Variants in SPTB observed in about 807,000 individuals in gnomAD.
SPTB encodes spectrin beta chain, erythrocytic.
A neutral mutation model predicts 256.2 loss-of-function variants in SPTB; 45 were observed. That is an observed-to-expected ratio of 0.18 (90% CI 0.14 to 0.23). SPTB has a LOEUF of 0.23. Among genes scored for constraint, SPTB ranks in the 10% least tolerant of loss-of-function variants. The pLI is 1.00. For missense variants in SPTB, 2,715 were observed against 3,040.4 expected, an observed-to-expected ratio of 0.89 and a Z score of 2.52; for synonymous variants, 1,231 against 1,243.1, an observed-to-expected ratio of 0.99 and a Z score of 0.21.
At position 64,779,966 on chromosome 14, in the gene SPTB, T is replaced by G; in HGVS notation, c.4267-35A>C. On this transcript the variant is annotated intron_variant, in intron 20 of 35. Coordinates refer to ENST00000644917, the MANE Select transcript of SPTB (RefSeq NM_001355436.2). The surrounding 1 kb of genome is among the most constrained non-coding windows in gnomAD (Gnocchi z 4.2). ...AAGGGGACGGTGTCAGCACCAGCCT[T>G]GGCACCTGCACAGCCCCTCCATCTT... The G allele has an allele frequency of 6.3e-7, 1 of 1,574,804 alleles. No homozygotes were observed. The highest frequency in any genetic ancestry group is 8.7e-7 in the Non-Finnish European group (1 of 1,144,774).
In SPTB at chr14:64,766,728, G is replaced by C; in HGVS notation, c.6343C>G (p.Pro2115Ala). ...GACAAACGAGACCAGAGACTGACCG[G>C]GGACGTTCTCTCGGTGGCCGCATGG... ...SHHAATERTS[P>A]GEEEGTWPQN... The change falls in exon 32 of 36, where the codon CCG (proline) becomes GCG (alanine). Residue 2115 changes from proline to alanine, a missense_variant and splice_region_variant. This residue lies in a region of SPTB where 2,239 missense variants were observed against 2,384.4 expected (regional missense o/e 0.94). Coordinates refer to ENST00000644917, the MANE Select transcript of SPTB (RefSeq NM_001355436.2). The C allele has an allele frequency of 6.2e-7, 1 of 1,613,596 alleles. No homozygotes were observed. The highest frequency in any genetic ancestry group is 1.1e-5 in the South Asian group (1 of 91,080).
chr14:64,829,475 G>C (rs145690359), intron 1 of SPTB, among the ~76,000 whole-genome samples: 1 of 152,280 alleles, frequency 6.6e-6, no homozygotes, highest in East Asian at 1.9e-4. Flanking sequence ...ACTCAATATT[G>C]ATTGGTACCT....
In SPTB at chr14:64,866,169, T is replaced by C. The variant is rs1401719915; in HGVS notation, c.-52+13623A>G. 6.6e-6 allele frequency among the ~76,000 whole-genome samples: 1 copy of C among 152,234 alleles called. No individual in the cohort carries two copies. Among genetic ancestry groups the C allele is most frequent in the Admixed American group, 6.5e-5 (1 of 15,290 alleles). ...GTCAGCCTACTGGTGACCTTCACTA[T>C]GGCACCTAGTAATCCTCGAGATGGG... On this transcript the variant is annotated intron_variant, in intron 1 of 35. Transcript: ENST00000644917. The surrounding 1 kb of genome is among the most constrained non-coding windows in gnomAD (Gnocchi z 4.6).
At chr14:64,818,245 G>A (rs1020851556) in intron 2 of SPTB, among the ~76,000 whole-genome samples, 3 of 152,214 alleles carry the variant, frequency 2.0e-5, no homozygotes, top group Admixed American at 6.5e-5. Context: ...GAGAAAGAAC[G>A]TGAAGGCCAT....
At chr14:64,804,477 C>G (rs554744592) in intron 3 of SPTB, among the ~76,000 whole-genome samples, 1 of 152,212 alleles carries the variant, frequency 6.6e-6, no homozygotes, top group Non-Finnish European at 1.5e-5. Flanking sequence ...AAAACATAAA[C>G]CTTCATCTAC....
chr14:64,831,936 A>C (rs2083458292), intron 1 of SPTB, among the ~76,000 whole-genome samples: 1 of 152,246 alleles, frequency 6.6e-6, no homozygotes, highest in African/African-American at 2.4e-5. Flanking sequence ...TGCAAATTAA[A>C]GGAAAACTCT....
chr14:64,803,504 A>G (rs11623771), intron 4 of SPTB, 103 bp downstream of exon 4: 223,305 of 1,431,584 alleles, frequency 0.16, 18,121 homozygotes, highest in South Asian at 0.18. Context: ...GCCTTCCCAG[A>G]ATGTGCACTA....
rs991472227 is a variant in SPTB, at chr14:64,806,870, G to T, written c.149-1780C>A. ...CAAGAAGAGGAAAAGTACTACTACT[G>T]ACTGTGAATCCTAAATACATGTAAA... On this transcript the variant is annotated intron_variant, in intron 2 of 35. Transcript: ENST00000644917. The surrounding 1 kb of genome is among the most constrained non-coding windows in gnomAD (Gnocchi z 4.1). Among the ~76,000 whole-genome samples the T allele has an allele frequency of 2.5e-5, 3 of 118,374 alleles. No homozygotes were observed. 77.7% of individuals were successfully genotyped at this position (118,374 alleles called of 152,430 possible).
intron 27 of SPTB, 52 bp downstream of exon 27, chr14:64,770,833 G>A: frequency 6.2e-7 from 1 of 1,613,100 alleles, no homozygotes; most frequent in Non-Finnish European, 8.5e-7. Context: ...GGTTGGCCGG[G>A]CTCCTCTGGC....
At position 64,771,000 on chromosome 14, in the gene SPTB, G is replaced by A. The variant is rs759689339; in HGVS notation, c.5683C>T (p.Arg1895Cys). The change falls in exon 27 of 36, where the codon CGC becomes TGC. Residue 1895 changes from arginine (R) to cysteine (C), a missense_variant. Transcript: ENST00000644917. ...GCCGTGTCCACTAGCTGGGTCCGGC[G>A]CCCGGCACAGGCATCGAGCAGCGCC... ...WQALLDACAG[R>C]RTQLVDTADK... 4.3e-6 allele frequency: 7 copies of A among 1,614,022 alleles called. No individual in the cohort carries two copies. The South Asian group carries it at 5.5e-5, about 13-fold the overall frequency.
Position 64,800,021 on chromosome 14 carries a change from G to A in SPTB, c.877-87C>T, listed in dbSNP as rs12434874. The A allele has an allele frequency of 2.2e-3, 3,266 of 1,503,110 alleles. 19 individuals are homozygous for A. Among genetic ancestry groups the A allele is most frequent in the East Asian group, 0.017 (773 of 44,398 alleles). 93.1% of individuals were successfully genotyped at this position (1,503,110 alleles called of 1,614,324 possible). A position where few individuals can be genotyped will look rare whatever the true frequency, so the allele number is the denominator to read the frequency against. On this transcript the variant is annotated intron_variant, in intron 8 of 35. Coordinates refer to ENST00000644917, the MANE Select transcript of SPTB (RefSeq NM_001355436.2). The stretch of plus-strand genomic sequence containing the variant: ...ATGAGGACCACAATCAAGGTGCCAC[G>A]AAATGGGGCTCCCACCTCCTAAGCC...
intron 29 of SPTB, chr14:64,768,247 C>T: frequency 3.2e-6 from 1 of 316,542 alleles, no homozygotes; most frequent in Non-Finnish European, 6.1e-6. Context: ...CCTATGTTGC[C>T]CAGGCTGGTC....
chr14:64,774,101 A>C (rs1262030869), intron 24 of SPTB, among the ~76,000 whole-genome samples: 1 of 152,218 alleles, frequency 6.6e-6, no homozygotes, highest in Non-Finnish European at 1.5e-5. Context: ...GTCCCTTAGC[A>C]TATTGTAACC....
chr14:64,868,039 G>A (rs1013242775), intron 1 of SPTB, among the ~76,000 whole-genome samples: 1 of 152,134 alleles, frequency 6.6e-6, no homozygotes, highest in Non-Finnish European at 1.5e-5. Context: ...AGAGAGGTCG[G>A]AACAGATTGT....
intron 32 of SPTB, chr14:64,754,880 A>C (rs1355399895): frequency 6.6e-6 from 1 of 152,594 alleles, no homozygotes; most frequent in East Asian, 1.9e-4. Flanking sequence ...GCGGCCTCCC[A>C]TTGCCAGGTG....
intron 1 of SPTB, among the ~76,000 whole-genome samples, chr14:64,859,718 CTCTATATA>C (rs1255250252): frequency 0.082 from 1,593 of 19,446 alleles, 13 homozygotes; most frequent in South Asian, 0.23. Context: ...CTCTCTCTCT[CTCTATATA>C]TATATATATA....
rs1258925875 is a variant in SPTB at position 64,758,727 on chromosome 14, C to T, written c.6346-4934G>A. Among the ~76,000 whole-genome samples the T allele has an allele frequency of 6.6e-6, 1 of 152,228 alleles. No individual in the cohort carries two copies. The highest frequency in any genetic ancestry group is 1.5e-5 in the Non-Finnish European group (1 of 68,042). ...CATCTGCCCAGGGAAAGTGCACAAACAGCAGAGAGCAAGCTGGAGGGATGG... is the reference window on the plus strand; with the variant it reads ...CATCTGCCCAGGGAAAGTGCACAAATAGCAGAGAGCAAGCTGGAGGGATGG... On this transcript the variant is annotated intron_variant, in intron 32 of 35. Coordinates refer to ENST00000644917, the MANE Select transcript of SPTB (RefSeq NM_001355436.2). The surrounding 1 kb of genome is among the most constrained non-coding windows in gnomAD (Gnocchi z 4.6).
chr14:64,867,762 G>A (rs551569511), intron 1 of SPTB, among the ~76,000 whole-genome samples: 2 of 151,498 alleles, frequency 1.3e-5, no homozygotes, highest in South Asian at 2.1e-4. Context: ...GCTGAGGCAG[G>A]AGAATCACTT....
chr14:64,846,614 T>A (rs774612102), intron 1 of SPTB, among the ~76,000 whole-genome samples: 2 of 152,236 alleles, frequency 1.3e-5, no homozygotes, highest in Non-Finnish European at 2.9e-5. Flanking sequence ...CAGCATACTG[T>A]GGGCAAGAAA....
Sources: gnomAD v4.1 joint callset for allele counts (sites outside exome capture counted in the v4.1 genomes callset) on GRCh38, gnomAD v4.1.1 for gene constraint, gnomAD v4.1.1 regional missense constraint, Gnocchi (gnomAD v3.1) non-coding constraint, MANE v1.5 for transcripts, NCBI Gene and HGNC (gene_info 2026-07-23, HGNC 2026-07-21) for gene names.